Variants in DOCK3 observed in about 807,000 individuals in gnomAD.
DOCK3 encodes the protein dedicator of cytokinesis protein 3.
DOCK3 carries 60 observed loss-of-function variants against 265.6 expected under a neutral mutation model. The ratio of observed to expected loss-of-function variants is 0.23; its 90% CI spans 0.18 to 0.28. The LOEUF (loss-of-function observed/expected upper bound fraction) is 0.28, where lower values mean the gene tolerates loss of function less well. DOCK3 is among the 10% of genes least tolerant of loss of function. The probability of loss-of-function intolerance (pLI) is 1.00; values close to 1 mark genes in which losing one functional copy is unlikely to be tolerated. For missense variants in DOCK3, 1,981 were observed against 2,594.3 expected (o/e 0.76, Z 5.14); for synonymous variants, 881 against 938.0 (o/e 0.94, Z 1.11).
chr3:51,204,946 C>T (rs1392225721), intron 12 of DOCK3, among the ~76,000 whole-genome samples: 2 of 151,012 alleles, frequency 1.3e-5, no homozygotes, highest in African/African-American at 2.4e-5. Context: ...TGTTCTCACT[C>T]ATAGGTGGGA....
rs200779657 is a variant in DOCK3 at position 51,089,291 on chromosome 3, G to A, written c.591+7G>A. On this transcript the variant is annotated splice_region_variant and intron_variant, in intron 8 of 52. Coordinates refer to ENST00000266037, the MANE Select transcript of DOCK3 (RefSeq NM_004947.5). Reference sequence around the variant, plus strand: ...ACAGCAAAGCACATCCCAGGTAAGCGGCTTTCCTGGGTCTTCCAGCCTTTC... The same window carrying A: ...ACAGCAAAGCACATCCCAGGTAAGCAGCTTTCCTGGGTCTTCCAGCCTTTC... 1.4e-5 allele frequency: 23 copies of A among 1,607,648 alleles called. No individual in the cohort carries two copies. Among genetic ancestry groups the A allele is most frequent in the East Asian group, 2.2e-5 (1 of 44,768 alleles).
intron 5 of DOCK3, among the ~76,000 whole-genome samples, chr3:51,001,620 G>A (rs1426222120): frequency 1.3e-5 from 2 of 152,162 alleles, no homozygotes; most frequent in African/African-American, 4.8e-5. Context: ...CAAATACCGT[G>A]TGTATGTATT....
chr3:51,110,681 A>G lies in DOCK3; in HGVS notation c.746+20297A>G, dbSNP rs151225982. On this transcript the variant is annotated intron_variant, in intron 9 of 52. Transcript: ENST00000266037. ...TCAATGAACTAGATATTGGAGGAAC[A>G]TACCTCAAAATAATAAGAGCCATCT... Among the ~76,000 whole-genome samples, 8 of 152,340 alleles carry G rather than the reference A, an allele frequency of 5.3e-5. No homozygotes were observed. The East Asian group carries it at 1.5e-3, about 29-fold the overall frequency.
intron 5 of DOCK3, among the ~76,000 whole-genome samples, chr3:51,014,153 C>T (rs989959806): frequency 1.2e-4 from 18 of 152,160 alleles, no homozygotes; most frequent in African/African-American, 2.7e-4. Flanking sequence ...TGCTTCAGCT[C>T]GCCCTCCGTC....
At chr3:50,738,236 G>T (rs1193379252) in intron 1 of DOCK3, among the ~76,000 whole-genome samples, 2 of 152,164 alleles carry the variant, frequency 1.3e-5, no homozygotes, top group Non-Finnish European at 2.9e-5. Context: ...TTGGAGCCTG[G>T]GTATGTGGGT....
At chr3:51,134,001 G>A (rs990805937) in intron 9 of DOCK3, among the ~76,000 whole-genome samples, 1 of 152,078 alleles carries the variant, frequency 6.6e-6, no homozygotes, top group Non-Finnish European at 1.5e-5. Context: ...TCATCATTTA[G>A]TTCCCACTTA....
chr3:51,346,155 T>C (rs2085548200), intron 38 of DOCK3, among the ~76,000 whole-genome samples: 1 of 152,192 alleles, frequency 6.6e-6, no homozygotes, highest in African/African-American at 2.4e-5. Context: ...ATATTTTTAA[T>C]TATACTTTAA....
chr3:51,089,898 CAAAAAAAA>C (rs1166631932), intron 8 of DOCK3, among the ~76,000 whole-genome samples: 1 of 42,308 alleles, frequency 2.4e-5, no homozygotes, highest in Admixed American at 2.5e-4. Context: ...GACTCTGTCT[CAAAAAAAA>C]AAAAAAAAAA....
At chr3:51,350,221 G>A in intron 39 of DOCK3, 67 bp from the exon 40 acceptor site, 2 of 1,414,718 alleles carry the variant, frequency 1.4e-6, no homozygotes, top group East Asian at 2.3e-5. Context: ...GTCCAGTTGG[G>A]CCTGGGAGAA....
intron 4 of DOCK3, among the ~76,000 whole-genome samples, chr3:50,893,572 A>G (rs1280905642): frequency 6.6e-6 from 1 of 152,038 alleles, no homozygotes; most frequent in Non-Finnish European, 1.5e-5. Context: ...ATCCATTCAG[A>G]GAATCAGAAA....
chr3:50,942,736 A>C (rs1011858008), intron 5 of DOCK3, among the ~76,000 whole-genome samples: 9 of 145,926 alleles, frequency 6.2e-5, no homozygotes, highest in African/African-American at 2.2e-4. Flanking sequence ...AAGGAGAAGC[A>C]ATTTTTTTTT....
At chr3:51,198,966 G>A (rs1365399973) in intron 12 of DOCK3, among the ~76,000 whole-genome samples, 2 of 152,080 alleles carry the variant, frequency 1.3e-5, no homozygotes, top group African/African-American at 4.8e-5. Context: ...GGAGGTGGAG[G>A]TTGCAGTGAC....
At chr3:51,051,663 T>C (rs1036635823) in intron 5 of DOCK3, among the ~76,000 whole-genome samples, 1 of 152,192 alleles carries the variant, frequency 6.6e-6, no homozygotes, top group African/African-American at 2.4e-5. Flanking sequence ...TCCCACTGTG[T>C]TAGGCCATTC....
intron 2 of DOCK3, among the ~76,000 whole-genome samples, chr3:50,834,031 A>G (rs527274594): frequency 6.6e-6 from 1 of 152,172 alleles, no homozygotes; most frequent in African/African-American, 2.4e-5. Context: ...AGCAAAGTCA[A>G]AAAGATTACT....
At chr3:51,352,038 G>A (rs987111542) in intron 40 of DOCK3, among the ~76,000 whole-genome samples, 2 of 152,128 alleles carry the variant, frequency 1.3e-5, no homozygotes, top group African/African-American at 4.8e-5. Flanking sequence ...TTTTAGAAGT[G>A]GCATATTTGC....
chr3:50,822,031 A>G (rs1341570820), intron 2 of DOCK3, among the ~76,000 whole-genome samples: 1 of 152,064 alleles, frequency 6.6e-6, no homozygotes, highest in Non-Finnish European at 1.5e-5. Flanking sequence ...TTATTTTTTA[A>G]ATTCTATGAA....
chr3:51,011,046 C>A (rs1330755884), intron 5 of DOCK3, among the ~76,000 whole-genome samples: 2 of 152,114 alleles, frequency 1.3e-5, no homozygotes, highest in Non-Finnish European at 2.9e-5. Context: ...TCTGGCTGCC[C>A]TTAACATGTT....
rs182596466 is a variant in DOCK3, at chr3:50,942,439, A to G, written c.315+8362A>G. The stretch of plus-strand genomic sequence containing the variant: ...TGCTATTATGAATAGCTATTATGCT[A>G]TGCTATTATTTATGCATGAGATTTT... On this transcript the variant is annotated intron_variant, in intron 5 of 52. Coordinates refer to ENST00000266037, the MANE Select transcript of DOCK3 (RefSeq NM_004947.5). Among the ~76,000 whole-genome samples the G allele has an allele frequency of 7.9e-5, 12 of 152,190 alleles. No individual in the cohort carries two copies. The East Asian group carries it at 2.3e-3, about 29-fold the overall frequency.
intron 46 of DOCK3, 135 bp downstream of exon 46, chr3:51,358,212 C>A: frequency 1.3e-6 from 1 of 786,386 alleles, no homozygotes; most frequent in Non-Finnish European, 2.0e-6. Flanking sequence ...AGGCTGTCCT[C>A]CCTACAGAGG....
Sources: allele counts gnomAD v4.1 joint callset (sites outside exome capture counted in the v4.1 genomes callset), GRCh38; gene constraint gnomAD v4.1.1; transcripts MANE v1.5; gene names NCBI Gene and HGNC (gene_info 2026-07-23, HGNC 2026-07-21).